Variants in MCPH1 observed in about 807,000 individuals in gnomAD.
MCPH1 encodes microcephalin 1.
In MCPH1, 104 loss-of-function variants were observed where a neutral mutation model predicts 84.5. That is an observed-to-expected ratio of 1.23 (90% confidence interval 1.05 to 1.45). The LOEUF (loss-of-function observed/expected upper bound fraction) is 1.45. MCPH1 is among the 40% of genes most tolerant of loss of function. The probability of loss-of-function intolerance (pLI) is 0.00; values close to 1 mark genes in which losing one functional copy is unlikely to be tolerated. For missense variants in MCPH1, 1,498 were observed against 1,005.7 expected, an observed-to-expected ratio of 1.49 and a Z score of -6.62; for synonymous variants, 514 against 366.8, an observed-to-expected ratio of 1.40 and a Z score of -4.58.
At chr8:6,520,291 A>T (rs1336090318) in intron 12 of MCPH1, among the ~76,000 whole-genome samples, 1 of 152,210 alleles carries the variant, frequency 6.6e-6, no homozygotes, top group Non-Finnish European at 1.5e-5. Context: ...ACAATCACAT[A>T]AATTAAATTA....
intron 12 of MCPH1, among the ~76,000 whole-genome samples, chr8:6,606,833 C>A (rs1829814116): frequency 6.6e-6 from 1 of 152,162 alleles, no homozygotes; most frequent in Non-Finnish European, 1.5e-5. Context: ...GTCATAAGAG[C>A]TGATGGTTTC....
chr8:6,489,777 G>T (rs1053927098), intron 11 of MCPH1, among the ~76,000 whole-genome samples: 2 of 152,168 alleles, frequency 1.3e-5, no homozygotes, highest in African/African-American at 4.8e-5. Context: ...TGGCGATGTG[G>T]TTGCATTATG....
chr8:6,505,441 T>TATACA (rs1813332075), intron 12 of MCPH1, among the ~76,000 whole-genome samples: 1 of 82,138 alleles, frequency 1.2e-5, no homozygotes, highest in African/African-American at 4.4e-5. Flanking sequence ...TATATATTCT[T>TATACA]TATATACATA....
chr8:6,496,530 C>T (rs2515595), intron 11 of MCPH1, among the ~76,000 whole-genome samples: 2 of 151,400 alleles, frequency 1.3e-5, no homozygotes, highest in South Asian at 4.2e-4. Context: ...CCCCCGCCCC[C>T]CTTCCCCCGC....
chr8:6,538,900 C>G (rs1222112127), intron 12 of MCPH1, among the ~76,000 whole-genome samples: 3 of 152,168 alleles, frequency 2.0e-5, no homozygotes, highest in Admixed American at 6.5e-5. Context: ...CAGGGATATT[C>G]TATTTGGGAG....
At chr8:6,596,637 AC>A (rs1828945978) in intron 12 of MCPH1, among the ~76,000 whole-genome samples, 1 of 151,580 alleles carries the variant, frequency 6.6e-6, no homozygotes, top group Non-Finnish European at 1.5e-5. Flanking sequence ...GCACAGAGGA[AC>A]CCCTGGGCTA....
chr8:6,609,819 G>GCCCCCCTCC lies in MCPH1; in HGVS notation c.2215-11629_2215-11628insTCCCCCCCC, dbSNP rs1554476376. Among the ~76,000 whole-genome samples the GCCCCCCTCC allele has an allele frequency of 1.9e-5, 2 of 104,022 alleles. 1 individual carries two copies. Among genetic ancestry groups the GCCCCCCTCC allele is most frequent in the Non-Finnish European group, 4.6e-5 (2 of 43,658 alleles). 68.2% of individuals were successfully genotyped at this position (104,022 alleles called of 152,430 possible). ...TCTCATTATCAAAGCAATGCCCCCC[G>GCCCCCCTCC]CCCCCCCCCCACACACAGACTGCCA... is the stretch of plus-strand genomic sequence containing the variant. On this transcript the variant is annotated intron_variant, in intron 12 of 13. Transcript: ENST00000344683.
chr8:6,409,411 C>A, intron 2 of MCPH1, 41 bp downstream of exon 2: 1 of 1,461,138 alleles, frequency 6.8e-7, no homozygotes, highest in Non-Finnish European at 9.6e-7. Flanking sequence ...TGACAGTCTT[C>A]TGATTGGTAA....
intron 11 of MCPH1, chr8:6,494,312 C>T (rs1810997570): frequency 6.6e-6 from 1 of 152,188 alleles, no homozygotes; most frequent in East Asian, 1.9e-4. Flanking sequence ...GCATCTACTT[C>T]CAAAGATAGC....
At chr8:6,584,445 A>C (rs534895505) in intron 12 of MCPH1, among the ~76,000 whole-genome samples, 95 of 152,344 alleles carry the variant, frequency 6.2e-4, no homozygotes, top group African/African-American at 2.1e-3. Flanking sequence ...AAGAACTCTT[A>C]CTGGCCAATT....
chr8:6,629,390 A>AG (rs541321377), intron 13 of MCPH1, among the ~76,000 whole-genome samples: 70 of 152,366 alleles, frequency 4.6e-4, no homozygotes, highest in African/African-American at 1.6e-3. Flanking sequence ...TGAACACAAG[A>AG]GGCGGAGGCT....
At position 6,481,983 on chromosome 8, in the gene MCPH1, G is replaced by C. The variant is rs929837700; in HGVS notation, c.2136+1107G>C. On this transcript the variant is annotated intron_variant, in intron 11 of 13. Coordinates refer to ENST00000344683, the MANE Select transcript of MCPH1 (RefSeq NM_024596.5). ...TTCTGACTAGCATGAAGAAATCTCA[G>C]GTTATCTGGCTCCATTCTCCCTGGG... is the stretch of plus-strand genomic sequence containing the variant. Among the ~76,000 whole-genome samples, 4 of 152,160 alleles carry C rather than the reference G, an allele frequency of 2.6e-5. No individual in the cohort carries two copies. In the East Asian group the frequency reaches 7.7e-4, roughly 29 times the overall value.
intron 13 of MCPH1, among the ~76,000 whole-genome samples, chr8:6,640,122 G>A (rs534521141): frequency 6.8e-4 from 101 of 149,354 alleles, no homozygotes; most frequent in African/African-American, 2.4e-3. Flanking sequence ...GTGTGTGTGC[G>A]TGTGTGTGTG....
intron 8 of MCPH1, among the ~76,000 whole-genome samples, chr8:6,449,174 G>A (rs1490050394): frequency 6.6e-6 from 1 of 152,196 alleles, no homozygotes; most frequent in African/African-American, 2.4e-5. Context: ...TCCACAGTTA[G>A]ATAATTTGCA....
chr8:6,493,877 TG>T (rs1424451745), intron 11 of MCPH1, among the ~76,000 whole-genome samples: 4 of 152,194 alleles, frequency 2.6e-5, no homozygotes, highest in Non-Finnish European at 5.9e-5. Flanking sequence ...TAATCCTCTG[TG>T]GAAACTGTGG....
chr8:6,576,498 T>C lies in MCPH1; in HGVS notation c.2215-44956T>C, dbSNP rs76880653. Among the ~76,000 whole-genome samples, 10 of 139,810 alleles carry C rather than the reference T, an allele frequency of 7.2e-5. No homozygotes were observed. The East Asian group carries it at 8.8e-4, about 12-fold the overall frequency. 91.7% of individuals were successfully genotyped at this position (139,810 alleles called of 152,430 possible). A position where few individuals can be genotyped will look rare whatever the true frequency, so the allele number is the denominator to read the frequency against. ...TTCCCTTCCCGTTTCCTTTTCCCTT[T>C]CCCTTCCCCTTCCCCTTCCCCGTCC... On this transcript the variant is annotated intron_variant, in intron 12 of 13. Transcript: ENST00000344683.
At chr8:6,521,535 T>C (rs1817338731) in intron 12 of MCPH1, 1 of 705,516 alleles carries the variant, frequency 1.4e-6, no homozygotes, top group African/African-American at 1.8e-5. Flanking sequence ...TAATATGATG[T>C]TACCAGAGCC....
chr8:6,590,185 T>C (rs1432342167), intron 12 of MCPH1, among the ~76,000 whole-genome samples: 1 of 141,488 alleles, frequency 7.1e-6, no homozygotes, highest in Admixed American at 7.2e-5. Flanking sequence ...TGGAAGAGTG[T>C]TATAATGTTA....
chr8:6,642,917 G>A (rs1000874671), intron 13 of MCPH1, 77 bp from the exon 14 acceptor site: 69 of 1,315,888 alleles, frequency 5.2e-5, no homozygotes, highest in Non-Finnish European at 7.1e-5. Flanking sequence ...ATAGTTTCAT[G>A]TATATACAAA....
Sources: gnomAD v4.1 joint callset for allele counts (sites outside exome capture counted in the v4.1 genomes callset) on GRCh38, gnomAD v4.1.1 for gene constraint, MANE v1.5 for transcripts, NCBI Gene and HGNC (gene_info 2026-07-23, HGNC 2026-07-21) for gene names.